The following ZNF804A variants were observed in gnomAD, a reference collection of about 807,000 sequenced individuals.
ZNF804A encodes zinc finger protein 804A.
Under a neutral mutation model 16.5 loss-of-function variants are expected in ZNF804A, and 2 were observed. The observed-to-expected ratio is 0.12, with a 90% CI of 0.05 to 0.38. The LOEUF (loss-of-function observed/expected upper bound fraction) is 0.38. Ranked by LOEUF, ZNF804A falls within the 10% of genes least tolerant of loss-of-function variation. ZNF804A has a pLI of 0.99. For synonymous variants in ZNF804A, 534 were observed against 489.6 expected, an observed-to-expected ratio of 1.09 and a Z score of -1.20; for missense variants, 1,473 against 1,390.7, an observed-to-expected ratio of 1.06 and a Z score of -0.94.
intron 1 of ZNF804A, among the ~76,000 whole-genome samples, chr2:184,770,389 G>A (rs143317889): frequency 6.6e-6 from 1 of 151,882 alleles, no homozygotes; most frequent in African/African-American, 2.4e-5. Context: ...TCATAAATTG[G>A]CCAGAAAGAA....
intron 1 of ZNF804A, among the ~76,000 whole-genome samples, chr2:184,759,819 C>T (rs899437094): frequency 3.9e-5 from 6 of 152,142 alleles, no homozygotes; most frequent in African/African-American, 1.4e-4. Context: ...CTGAGCACCC[C>T]ACTCCTGCCC....
intron 2 of ZNF804A, among the ~76,000 whole-genome samples, chr2:184,907,228 A>G (rs1053531993): frequency 2.6e-5 from 4 of 152,138 alleles, no homozygotes; most frequent in African/African-American, 9.7e-5. Context: ...TTAATTTTTT[A>G]CACAGCAGTA....
intron 1 of ZNF804A, among the ~76,000 whole-genome samples, chr2:184,689,185 C>A (rs1692690276): frequency 6.6e-6 from 1 of 152,120 alleles, no homozygotes; most frequent in Non-Finnish European, 1.5e-5. Flanking sequence ...CTGAGCATCT[C>A]TCCTTCGTCT....
chr2:184,817,285 C>G (rs1312147850), intron 1 of ZNF804A, among the ~76,000 whole-genome samples: 1 of 151,660 alleles, frequency 6.6e-6, no homozygotes, highest in Admixed American at 6.6e-5. Flanking sequence ...GGAGTGATCC[C>G]CCAGCAAACT....
At chr2:184,815,769 T>C (rs1694973734) in intron 1 of ZNF804A, among the ~76,000 whole-genome samples, 1 of 152,006 alleles carries the variant, frequency 6.6e-6, no homozygotes, top group South Asian at 2.1e-4. Context: ...TCGCAACATG[T>C]AATATAGATA....
intron 1 of ZNF804A, among the ~76,000 whole-genome samples, chr2:184,789,615 G>A (rs1282751490): frequency 6.6e-6 from 1 of 151,824 alleles, no homozygotes; most frequent in Non-Finnish European, 1.5e-5. Flanking sequence ...TTTCTATTTT[G>A]TGTGCACAGA....
chr2:184,658,337 G>C (rs542402801), intron 1 of ZNF804A, among the ~76,000 whole-genome samples: 2 of 152,112 alleles, frequency 1.3e-5, no homozygotes, highest in Non-Finnish European at 2.9e-5. Context: ...TTAGCTGGGC[G>C]TGGTGGCAGA....
At chr2:184,829,762 T>C (rs1441014915) in intron 1 of ZNF804A, among the ~76,000 whole-genome samples, 1 of 151,058 alleles carries the variant, frequency 6.6e-6, no homozygotes, top group Non-Finnish European at 1.5e-5. Context: ...ATTTTAAAAC[T>C]TATAAAATAA....
intron 2 of ZNF804A, among the ~76,000 whole-genome samples, chr2:184,882,833 A>G (rs1272441274): frequency 6.6e-6 from 1 of 152,082 alleles, no homozygotes; most frequent in East Asian, 1.9e-4. Flanking sequence ...TTAAAAAACT[A>G]GAGAGATCTC....
chr2:184,868,245 T>C (rs952545019), intron 2 of ZNF804A, among the ~76,000 whole-genome samples: 2 of 152,092 alleles, frequency 1.3e-5, no homozygotes, highest in African/African-American at 4.8e-5. Flanking sequence ...TGATATGATG[T>C]TCCAGAAGCT....
At chr2:184,820,463 C>A (rs1374167381) in intron 1 of ZNF804A, among the ~76,000 whole-genome samples, 1 of 152,072 alleles carries the variant, frequency 6.6e-6, no homozygotes, top group Non-Finnish European at 1.5e-5. Context: ...CAATATCATA[C>A]TGAATGGGCA....
intron 1 of ZNF804A, among the ~76,000 whole-genome samples, chr2:184,747,321 CAAAAAA>C (rs397986917): frequency 3.8e-5 from 3 of 78,084 alleles, no homozygotes; most frequent in African/African-American, 4.6e-5. Flanking sequence ...AATCTTGCTG[CAAAAAA>C]AAAAAAAAAA....
intron 1 of ZNF804A, among the ~76,000 whole-genome samples, chr2:184,681,439 T>C (rs1484203922): frequency 4.6e-5 from 7 of 152,226 alleles, no homozygotes. Flanking sequence ...ATTATTCTTG[T>C]GCAAAAGTAG....
intron 2 of ZNF804A, 107 bp from the exon 3 acceptor site, chr2:184,933,496 G>A (rs947669474): frequency 6.9e-5 from 74 of 1,064,866 alleles, no homozygotes; most frequent in Non-Finnish European, 8.9e-5. Context: ...TTTACCTCTC[G>A]ACAAGGTCAA....
At position 184,936,949 on chromosome 2, in the gene ZNF804A, A is replaced by C. The variant is rs779218872; in HGVS notation, c.1553A>C (p.Asn518Thr). ...GATTATGAAATTGGAAGTAGCAAAAATAAATGCAGCCAAGTCACTCCTCTT... is the reference window on the plus strand; with the variant it reads ...GATTATGAAATTGGAAGTAGCAAAACTAAATGCAGCCAAGTCACTCCTCTT... ...LTDYEIGSSK[N>T]KCSQVTPLLA... Residue 518 changes from asparagine to threonine, a missense_variant, in exon 4 of 4, where the codon AAT becomes ACT. Physicochemically the swap from Asn to Thr is moderately conservative, Grantham distance 65. Coordinates refer to ENST00000302277, the MANE Select transcript of ZNF804A (RefSeq NM_194250.2). 1.2e-6 allele frequency: 2 copies of C among 1,614,036 alleles called. No homozygotes were observed. The highest frequency in any genetic ancestry group is 8.5e-7 in the Non-Finnish European group (1 of 1,179,958).
chr2:184,784,013 T>C (rs1370291040), intron 1 of ZNF804A, among the ~76,000 whole-genome samples: 1 of 152,028 alleles, frequency 6.6e-6, no homozygotes, highest in Non-Finnish European at 1.5e-5. Context: ...TTTCTAGTTT[T>C]CTTTCTAAAT....
intron 1 of ZNF804A, among the ~76,000 whole-genome samples, chr2:184,643,170 G>A (rs1288951194): frequency 6.6e-6 from 1 of 151,834 alleles, no homozygotes; most frequent in African/African-American, 2.4e-5. Context: ...TTTCCTTCAT[G>A]CATTTAATAA....
intron 1 of ZNF804A, among the ~76,000 whole-genome samples, chr2:184,763,637 T>G (rs1439415148): frequency 9.0e-6 from 1 of 111,136 alleles, no homozygotes; most frequent in African/African-American, 3.4e-5. Context: ...GTGCTTTTTT[T>G]TTTTTTTTTT....
chr2:184,774,213 T>G (rs1412947051), intron 1 of ZNF804A, among the ~76,000 whole-genome samples: 1 of 151,868 alleles, frequency 6.6e-6, no homozygotes, highest in Admixed American at 6.6e-5. Flanking sequence ...ACTGCTTTTA[T>G]TTGCTGTTGA....
Sources: allele counts gnomAD v4.1 joint callset (sites outside exome capture counted in the v4.1 genomes callset), GRCh38; gene constraint gnomAD v4.1.1; transcripts MANE v1.5; gene names NCBI Gene and HGNC (gene_info 2026-07-23, HGNC 2026-07-21).